PLCL2: variants seen among roughly 807,000 people sequenced by gnomAD.
PLCL2 encodes the protein inactive phospholipase C-like protein 2.
PLCL2 carries 4 observed loss-of-function variants against 79.6 expected under a neutral mutation model. That is an observed-to-expected ratio of 0.05 (90% CI 0.02 to 0.11). PLCL2 has a LOEUF of 0.11. Among genes scored for constraint, PLCL2 ranks in the 10% least tolerant of loss-of-function variants. The pLI is 1.00. For missense variants in PLCL2, 895 were observed against 1,291.0 expected, an observed-to-expected ratio of 0.69 and a Z score of 4.70; for synonymous variants, 484 against 457.7, an observed-to-expected ratio of 1.06 and a Z score of -0.73.
chr3:17,080,208 C>A (rs2065148186), intron 5 of PLCL2, among the ~76,000 whole-genome samples: 1 of 152,164 alleles, frequency 6.6e-6, no homozygotes, highest in South Asian at 2.1e-4. Flanking sequence ...ACGTCCTGTA[C>A]AAAAGCCTGT....
At position 16,965,171 on chromosome 3, in the gene PLCL2, T is replaced by C. The variant is rs188982945; in HGVS notation, c.328-44503T>C. On this transcript the variant is annotated intron_variant, in intron 1 of 5. Coordinates refer to ENST00000615277, the MANE Select transcript of PLCL2 (RefSeq NM_001144382.2). ...GATTTTGGTCTAACATTTAAGTCTT[T>C]AATCCATCTTGAATTAATTTTTGTA... Among the ~76,000 whole-genome samples, 6 of 152,380 alleles carry C rather than the reference T, an allele frequency of 3.9e-5. No individual in the cohort carries two copies. In the East Asian group the frequency reaches 1.2e-3, roughly 29 times the overall value.
At chr3:17,051,789 A>T (rs1407015345) in intron 4 of PLCL2, among the ~76,000 whole-genome samples, 1 of 152,184 alleles carries the variant, frequency 6.6e-6, no homozygotes, top group Non-Finnish European at 1.5e-5. Context: ...TATTAGTTTC[A>T]TGATGCTTTG....
At chr3:16,903,886 G>C (rs1374858635) in intron 1 of PLCL2, among the ~76,000 whole-genome samples, 1 of 152,198 alleles carries the variant, frequency 6.6e-6, no homozygotes, top group Non-Finnish European at 1.5e-5. Flanking sequence ...TTGGCAGACA[G>C]GTCCCTTCAG....
chr3:17,034,143 C>T (rs1381080369), intron 3 of PLCL2, among the ~76,000 whole-genome samples: 3 of 152,182 alleles, frequency 2.0e-5, no homozygotes, highest in African/African-American at 7.2e-5. Context: ...TGTAGGTTTC[C>T]TCCAGGTACA....
At chr3:16,991,487 A>G (rs1023291983) in intron 1 of PLCL2, among the ~76,000 whole-genome samples, 2 of 152,238 alleles carry the variant, frequency 1.3e-5, no homozygotes, top group East Asian at 1.9e-4. Flanking sequence ...TCCATACTTT[A>G]TTCTCTTCAT....
intron 1 of PLCL2, among the ~76,000 whole-genome samples, chr3:16,953,967 A>T (rs536297851): frequency 6.6e-6 from 1 of 152,246 alleles, no homozygotes; most frequent in East Asian, 1.9e-4. Context: ...CTGCTGTTTC[A>T]CACAATATTA....
chr3:16,944,357 G>T (rs1344487183), intron 1 of PLCL2, among the ~76,000 whole-genome samples: 1 of 152,156 alleles, frequency 6.6e-6, no homozygotes, highest in Non-Finnish European at 1.5e-5. Flanking sequence ...ATCTTTCCAG[G>T]TGGTCAGGCC....
At chr3:17,077,118 T>G (rs1559541548) in intron 5 of PLCL2, among the ~76,000 whole-genome samples, 1 of 152,184 alleles carries the variant, frequency 6.6e-6, no homozygotes, top group East Asian at 1.9e-4. Context: ...CTGTTTGAGT[T>G]CCCCTTTCCT....
chr3:17,067,311 T>A (rs905843932), intron 4 of PLCL2, among the ~76,000 whole-genome samples: 5 of 152,224 alleles, frequency 3.3e-5, no homozygotes, highest in Non-Finnish European at 7.3e-5. Context: ...AAGCATAAAA[T>A]TTTTAAATTT....
At chr3:16,994,287 A>G (rs1197010641) in intron 1 of PLCL2, among the ~76,000 whole-genome samples, 1 of 152,178 alleles carries the variant, frequency 6.6e-6, no homozygotes, top group Non-Finnish European at 1.5e-5. Flanking sequence ...AATGCTTTAG[A>G]TTAATCACTT....
At chr3:16,979,677 C>A (rs2063961094) in intron 1 of PLCL2, among the ~76,000 whole-genome samples, 1 of 144,408 alleles carries the variant, frequency 6.9e-6, no homozygotes. Flanking sequence ...TCAACAGGAT[C>A]CCAAGGCAGA....
chr3:16,918,523 T>C (rs950027772), intron 1 of PLCL2, among the ~76,000 whole-genome samples: 1 of 152,138 alleles, frequency 6.6e-6, no homozygotes, highest in African/African-American at 2.4e-5. Context: ...GTATGGAAAG[T>C]CCCCTAATGT....
chr3:16,961,694 G>T (rs1380576243), intron 1 of PLCL2, among the ~76,000 whole-genome samples: 3 of 152,184 alleles, frequency 2.0e-5, no homozygotes, highest in Admixed American at 6.5e-5. Context: ...AGCAGAGGAA[G>T]CATTCTCATT....
At chr3:16,906,119 T>C (rs1696747051) in intron 1 of PLCL2, among the ~76,000 whole-genome samples, 1 of 152,166 alleles carries the variant, frequency 6.6e-6, no homozygotes, top group Non-Finnish European at 1.5e-5. Context: ...GATCTGTTAA[T>C]ATTATATATT....
Position 17,010,971 on chromosome 3 carries a change from A to G in PLCL2, c.1625A>G (p.Lys542Arg). 1.2e-6 allele frequency: 2 copies of G among 1,614,118 alleles called. No individual in the cohort carries two copies. Among genetic ancestry groups the G allele is most frequent in the Non-Finnish European group, 1.7e-6 (2 of 1,179,986 alleles). ...CACATGAAGAAACTTTTAGGAGACAAGCTCTATACAACATCACCCAATGTT... is the reference window on the plus strand; with the variant it reads ...CACATGAAGAAACTTTTAGGAGACAGGCTCTATACAACATCACCCAATGTT... ...VQHMKKLLGD[K>R]LYTTSPNVEE... Residue 542 changes from lysine (K) to arginine (R), a missense_variant, in exon 2 of 6, where the codon AAG (lysine) becomes AGG (arginine). Physicochemically the swap from Lys to Arg is conservative, Grantham distance 26 (BLOSUM62 2). Transcript: ENST00000615277. This position sits in a 1 kb window ranked among gnomAD's most constrained non-coding sequence, Gnocchi z 5.8.
chr3:17,050,295 G>T (rs1427324136), intron 4 of PLCL2, among the ~76,000 whole-genome samples: 3 of 152,068 alleles, frequency 2.0e-5, no homozygotes, highest in Admixed American at 6.6e-5. Context: ...ACAAGCACAG[G>T]CAACCAAAGC....
intron 1 of PLCL2, among the ~76,000 whole-genome samples, chr3:16,934,045 C>T (rs1697478447): frequency 1.3e-5 from 2 of 152,032 alleles, no homozygotes; most frequent in South Asian, 2.1e-4. Flanking sequence ...CCAGCCTGAA[C>T]GACAGAGTGA....
At position 16,936,852 on chromosome 3, in the gene PLCL2, A is replaced by G. The variant is rs568340842; in HGVS notation, c.327+51486A>G. Among the ~76,000 whole-genome samples the G allele has an allele frequency of 1.2e-4, 18 of 152,304 alleles. No homozygotes were observed. In the East Asian group the frequency reaches 2.9e-3, roughly 24 times the overall value. On this transcript the variant is annotated intron_variant, in intron 1 of 5. Coordinates refer to ENST00000615277, the MANE Select transcript of PLCL2 (RefSeq NM_001144382.2). ...CATTCTTTTTTTTCTTCATGACAGC[A>G]CAGGCTTTCTGATGTTGTCCAGGTG...
chr3:17,065,529 T>C (rs1004696066), intron 4 of PLCL2, among the ~76,000 whole-genome samples: 3 of 152,198 alleles, frequency 2.0e-5, no homozygotes, highest in Non-Finnish European at 2.9e-5. Flanking sequence ...AGTATACCAG[T>C]TCCTGTCATT....
Sources: gnomAD v4.1 joint callset for allele counts (sites outside exome capture counted in the v4.1 genomes callset) on GRCh38, gnomAD v4.1.1 for gene constraint, Gnocchi (gnomAD v3.1) non-coding constraint, MANE v1.5 for transcripts, NCBI Gene and HGNC (gene_info 2026-07-23, HGNC 2026-07-21) for gene names.